Variants in COL4A4 observed in about 807,000 individuals in gnomAD.
COL4A4 encodes collagen type IV alpha 4 chain.
Under a neutral mutation model 192.9 loss-of-function variants are expected in COL4A4, and 105 were observed. That is an observed-to-expected ratio of 0.54 (90% CI 0.46 to 0.64). COL4A4 has a LOEUF of 0.64. Among genes scored for constraint, COL4A4 ranks in the 30% least tolerant of loss-of-function variants. The pLI, the probability that COL4A4 is intolerant of heterozygous loss-of-function variation, is 0.00. For synonymous variants in COL4A4, 762 were observed against 769.9 expected (o/e 0.99, Z 0.17); for missense variants, 1,967 against 2,169.3 (o/e 0.91, Z 1.85).
At position 227,047,486 on chromosome 2, in the gene COL4A4, G is replaced by T; in HGVS notation, c.3278C>A (p.Pro1093His). Residue 1093 changes from proline (P) to histidine (H), a missense_variant, in exon 35 of 48, where the codon CCT becomes CAT. Pro to His is a moderately conservative substitution (Grantham distance 77, BLOSUM62 -2). Transcript: ENST00000396625. Reference sequence around the variant, plus strand: ...ATATGCAGCTATACCTGGACATCCAGGGCTACCTGGCTCACCCTTTGGACC... The same window carrying T: ...ATATGCAGCTATACCTGGACATCCATGGCTACCTGGCTCACCCTTTGGACC... ...PPGPKGEPGS[P>H]GCPGHFGASG... 1 of 1,613,536 alleles carries T rather than the reference G, an allele frequency of 6.2e-7. No homozygotes were observed.
At chr2:227,139,353 C>T (rs899088934) in intron 4 of COL4A4, among the ~76,000 whole-genome samples, 6 of 152,178 alleles carry the variant, frequency 3.9e-5, no homozygotes, top group African/African-American at 1.2e-4. Flanking sequence ...ACTTCTATAC[C>T]ACACTCCTTT....
At chr2:227,141,588 G>T (rs1303147645) in intron 3 of COL4A4, among the ~76,000 whole-genome samples, 3 of 151,992 alleles carry the variant, frequency 2.0e-5, no homozygotes, top group Non-Finnish European at 4.4e-5. Context: ...CAATCCAAAA[G>T]AAAATATCTT....
chr2:226,970,245 G>A, the COL4A4 span, among the ~76,000 whole-genome samples: 2 of 151,870 alleles, frequency 1.3e-5, no homozygotes, highest in Admixed American at 6.6e-5. Flanking sequence ...GAGAATTAAG[G>A]TGTTTCTTAA....
At chr2:226,992,309 C>T in the COL4A4 span, among the ~76,000 whole-genome samples, 1 of 152,134 alleles carries the variant, frequency 6.6e-6, no homozygotes, top group African/African-American at 2.4e-5. Context: ...TGATTCTCTT[C>T]GAAATAAGTT....
intron 21 of COL4A4, 26 bp downstream of exon 21, chr2:227,089,842 A>G (rs755912514): frequency 6.3e-7 from 1 of 1,577,450 alleles, no homozygotes; most frequent in Admixed American, 1.7e-5. Context: ...TGTCTTCTAG[A>G]AATTCTACCT....
intron 37 of COL4A4, among the ~76,000 whole-genome samples, chr2:227,035,284 C>T (rs527599715): frequency 6.6e-6 from 1 of 152,106 alleles, no homozygotes; most frequent in South Asian, 2.1e-4. Context: ...TATGCCATAT[C>T]TTTCTTTAAT....
At chr2:227,052,051 C>T (rs999117781) in intron 32 of COL4A4, among the ~76,000 whole-genome samples, 4 of 151,952 alleles carry the variant, frequency 2.6e-5, no homozygotes, top group Non-Finnish European at 5.9e-5. Context: ...ATTAGCCAGG[C>T]GTGGTGGCAT....
intron 43 of COL4A4, among the ~76,000 whole-genome samples, chr2:227,024,449 G>T (rs1223294167): frequency 6.6e-6 from 1 of 151,990 alleles, no homozygotes; most frequent in Non-Finnish European, 1.5e-5. Flanking sequence ...GAGTGCAGTG[G>T]TGGAATCGCC....
chr2:227,105,691 G>A (rs988344091), intron 12 of COL4A4, among the ~76,000 whole-genome samples: 1 of 151,920 alleles, frequency 6.6e-6, no homozygotes, highest in African/African-American at 2.4e-5. Flanking sequence ...GCTTTTCTGG[G>A]TATTACTATT....
chr2:227,052,437 C>A (rs781016968), intron 31 of COL4A4, 25 bp from the exon 32 acceptor site: 1 of 1,279,870 alleles, frequency 7.8e-7, no homozygotes, highest in Non-Finnish European at 1.1e-6. Context: ...TATGCAAGAA[C>A]AAAATGAACA....
rs189557753 is a variant in COL4A4, at chr2:227,061,767, A to C, written c.2056+763T>G. On this transcript the variant is annotated intron_variant, in intron 26 of 47. Coordinates refer to ENST00000396625, the MANE Select transcript of COL4A4 (RefSeq NM_000092.5). Reference sequence around the variant, plus strand: ...TTTTGGATTTAATTCATCTAAAAATAAGTGATTGATTCAAATGAAGCTGTT... The same window carrying C: ...TTTTGGATTTAATTCATCTAAAAATCAGTGATTGATTCAAATGAAGCTGTT... Among the ~76,000 whole-genome samples the C allele has an allele frequency of 6.7e-4, 102 of 152,354 alleles. 4 individuals are homozygous for C. In the East Asian group the frequency reaches 0.016, roughly 23 times the overall value.
intron 44 of COL4A4, among the ~76,000 whole-genome samples, chr2:227,015,891 TTG>T (rs1964753471): frequency 6.6e-6 from 1 of 152,084 alleles, no homozygotes; most frequent in Non-Finnish European, 1.5e-5. Flanking sequence ...ATACAGGCAA[TTG>T]TGTCTTTTAA....
chr2:227,066,988 C>G (rs2150355117), intron 25 of COL4A4, among the ~76,000 whole-genome samples: 1 of 147,954 alleles, frequency 6.8e-6, no homozygotes, highest in East Asian at 2.0e-4. Context: ...CGTGCAGAGA[C>G]ACACATAGGC....
downstream of COL4A4, among the ~76,000 whole-genome samples, chr2:227,001,909 A>G (rs971765746): frequency 2.0e-5 from 3 of 152,240 alleles, no homozygotes; most frequent in African/African-American, 7.2e-5. Context: ...GCAGTGGCTC[A>G]TGCCTGTAAT....
intron 4 of COL4A4, among the ~76,000 whole-genome samples, chr2:227,128,343 C>A (rs551861400): frequency 6.6e-4 from 100 of 152,178 alleles, no homozygotes; most frequent in Non-Finnish European, 1.2e-3. Context: ...ACTCAATGTT[C>A]TTTTATAAAG....
chr2:227,047,520 CA>C lies in COL4A4; in HGVS notation c.3243del (p.Phe1081LeufsTer60). On this transcript the variant is annotated frameshift_variant, in exon 35 of 48. Transcript: ENST00000396625. LOFTEE classifies it high-confidence loss of function. Reference sequence around the variant, plus strand: ...GGCTCACCCTTTGGACCAGGTGGACCAAAGTGACTGGCAGGGTCACCTTTGT... The same window carrying C: ...GGCTCACCCTTTGGACCAGGTGGACCAAGTGACTGGCAGGGTCACCTTTGT... ...KGNKGDPASH[F>X]GPPGPKGEPG... The C allele has an allele frequency of 6.2e-7, 1 of 1,613,680 alleles. No individual in the cohort carries two copies. Among genetic ancestry groups the C allele is most frequent in the Non-Finnish European group, 8.5e-7 (1 of 1,179,820 alleles).
intron 46 of COL4A4, 141 bp downstream of exon 46, chr2:227,010,172 T>C (rs1963316172): frequency 1.2e-6 from 1 of 855,978 alleles, no homozygotes; most frequent in Non-Finnish European, 2.0e-6. Context: ...TAGCTGAGAA[T>C]GACCATGCTA....
rs979898021 is a variant in COL4A4, at chr2:227,123,070, G to C, written c.193-1922C>G. Among the ~76,000 whole-genome samples the C allele has an allele frequency of 6.6e-6, 1 of 151,956 alleles. No homozygotes were observed. Among genetic ancestry groups the C allele is most frequent in the African/African-American group, 2.4e-5 (1 of 41,356 alleles). ...AGTAGAGACTGGGTTTCAGTATGTT[G>C]GCCAGGCTGGTCTCGAACTCCTGAC... On this transcript the variant is annotated intron_variant, in intron 4 of 47. Transcript: ENST00000396625. This position sits in a 1 kb window ranked among gnomAD's most constrained non-coding sequence, Gnocchi z 4.6.
chr2:227,023,938 G>A (rs1341786336), intron 43 of COL4A4, among the ~76,000 whole-genome samples: 2 of 151,880 alleles, frequency 1.3e-5, no homozygotes, highest in African/African-American at 2.4e-5. Flanking sequence ...CCCGGGAGGC[G>A]GAGATTGCAG....
Sources: gnomAD v4.1 joint callset for allele counts (sites outside exome capture counted in the v4.1 genomes callset) on GRCh38, gnomAD v4.1.1 for gene constraint, Gnocchi (gnomAD v3.1) non-coding constraint, MANE v1.5 for transcripts, NCBI Gene and HGNC (gene_info 2026-07-23, HGNC 2026-07-21) for gene names.